Variants in GNA12 observed in about 807,000 individuals in gnomAD.
GNA12 encodes G protein subunit alpha 12, also known as guanine nucleotide-binding protein subunit alpha-12.
A neutral mutation model predicts 26.0 loss-of-function variants in GNA12; 9 were observed. The ratio of observed to expected loss-of-function variants is 0.35; its 90% CI spans 0.21 to 0.60. The LOEUF (loss-of-function observed/expected upper bound fraction) is 0.60, where lower values mean the gene tolerates loss of function less well. Among genes scored for constraint, GNA12 ranks in the 20% least tolerant of loss-of-function variants. The probability of loss-of-function intolerance (pLI) is 0.78; values close to 1 mark genes in which losing one functional copy is unlikely to be tolerated. For synonymous variants in GNA12, 264 were observed against 219.6 expected, an observed-to-expected ratio of 1.20 and a Z score of -1.79; for missense variants, 405 against 525.8, an observed-to-expected ratio of 0.77 and a Z score of 2.25.
chr7:2,838,608 G>A (rs115334712), intron 1 of GNA12, among the ~76,000 whole-genome samples: 1 of 152,008 alleles, frequency 6.6e-6, no homozygotes, highest in Non-Finnish European at 1.5e-5. Flanking sequence ...TCATAATAAT[G>A]ACTTTACCCT....
At position 2,734,228 on chromosome 7, in the gene GNA12, G is replaced by A. The variant is rs375592123; in HGVS notation, c.526-727C>T. Reference sequence around the variant, plus strand: ...AATGCGAGGCACACACGGGGCACGGGAGGAGCCGGGAGAGCGCAACCACCG... The same window carrying A: ...AATGCGAGGCACACACGGGGCACGGAAGGAGCCGGGAGAGCGCAACCACCG... On this transcript the variant is annotated intron_variant, in intron 2 of 3. Transcript: ENST00000275364. Among the ~76,000 whole-genome samples, 66 of 152,354 alleles carry A rather than the reference G, an allele frequency of 4.3e-4. No individual in the cohort carries two copies. The East Asian group carries it at 0.011, about 26-fold the overall frequency.
rs570752782 is a variant in GNA12 at position 2,769,029 on chromosome 7, G to C, written c.525+25899C>G. On this transcript the variant is annotated intron_variant, in intron 2 of 3. Transcript: ENST00000275364. ...AGCAGTTCTCCTGCCTCAGCCTCCT[G>C]AGTAGCTGGGATTACAGGTGTGCAC... Among the ~76,000 whole-genome samples, 5 of 152,246 alleles carry C rather than the reference G, an allele frequency of 3.3e-5. No homozygotes were observed. In the South Asian group the frequency reaches 1.0e-3, roughly 32 times the overall value.
At chr7:2,759,673 A>G (rs900590393) in intron 2 of GNA12, among the ~76,000 whole-genome samples, 13 of 152,010 alleles carry the variant, frequency 8.6e-5, no homozygotes, top group African/African-American at 3.1e-4. Flanking sequence ...CGCTGTGCCT[A>G]TTTTTTCAGA....
At chr7:2,842,831 A>G (rs747594140) in intron 1 of GNA12, among the ~76,000 whole-genome samples, 1 of 152,214 alleles carries the variant, frequency 6.6e-6, no homozygotes, top group Non-Finnish European at 1.5e-5. Flanking sequence ...CCACTCATAT[A>G]CATCCTAAAA....
At chr7:2,762,652 G>A (rs1421361423) in intron 2 of GNA12, 2 of 1,599,826 alleles carry the variant, frequency 1.3e-6, no homozygotes, top group East Asian at 4.5e-5. Context: ...AGAGCGGCAG[G>A]ACGATGAGAG....
intron 2 of GNA12, among the ~76,000 whole-genome samples, chr7:2,766,873 G>C (rs1791819240): frequency 6.6e-6 from 1 of 152,154 alleles, no homozygotes; most frequent in Non-Finnish European, 1.5e-5. Context: ...AAGGGTTCCA[G>C]TTTCTCCATT....
chr7:2,776,187 C>G (rs1792070944), intron 2 of GNA12, among the ~76,000 whole-genome samples: 1 of 152,232 alleles, frequency 6.6e-6, no homozygotes, highest in Non-Finnish European at 1.5e-5. Context: ...CTTCCCATCT[C>G]AGCCTCCCAA....
chr7:2,736,259 C>T (rs905575510), intron 2 of GNA12, among the ~76,000 whole-genome samples: 3 of 152,182 alleles, frequency 2.0e-5, no homozygotes, highest in African/African-American at 4.8e-5. Flanking sequence ...GTCCTCTCAA[C>T]GGCTGCTGCG....
chr7:2,807,744 A>G (rs556599962), intron 1 of GNA12, among the ~76,000 whole-genome samples: 57 of 152,340 alleles, frequency 3.7e-4, no homozygotes, highest in African/African-American at 1.3e-3. Context: ...ACTGCAGAAA[A>G]TAAACTCAAT....
At chr7:2,779,267 G>C (rs1443251047) in intron 2 of GNA12, among the ~76,000 whole-genome samples, 1 of 152,156 alleles carries the variant, frequency 6.6e-6, no homozygotes, top group South Asian at 2.1e-4. Context: ...AGGAATGCTT[G>C]AGCCCAGGAG....
At chr7:2,826,169 G>C (rs1464276946) in intron 1 of GNA12, among the ~76,000 whole-genome samples, 1 of 151,950 alleles carries the variant, frequency 6.6e-6, no homozygotes, top group East Asian at 1.9e-4. Context: ...ACGAGGTCAG[G>C]AGTTTGAAAC....
chr7:2,826,899 C>G (rs1340719280), intron 1 of GNA12, among the ~76,000 whole-genome samples: 5 of 152,300 alleles, frequency 3.3e-5, no homozygotes, highest in South Asian at 4.1e-4. Context: ...AACTATGCAA[C>G]ACAACGAGTG....
At chr7:2,804,406 C>T (rs958137597) in intron 1 of GNA12, among the ~76,000 whole-genome samples, 5 of 152,116 alleles carry the variant, frequency 3.3e-5, no homozygotes, top group South Asian at 2.1e-4. Flanking sequence ...AACACACACG[C>T]GTGTACATAC....
chr7:2,843,913 G>A lies in GNA12; in HGVS notation c.249C>T (p.Arg83=), dbSNP rs746972143. 1.5e-5 allele frequency: 24 copies of A among 1,586,240 alleles called. No homozygotes were observed. The Admixed American group carries it at 2.4e-4, about 16-fold the overall frequency. ...FLKQMRIIHG[R]EFDQKALLEF... is the part of the protein sequence containing the mutation. ...CCAGCAGCGCCTTCTGGTCGAACTC[G>A]CGGCCGTGGATGATGCGCATCTGCT... The change falls in exon 1 of 4, where the codon CGC becomes CGT. Residue 83 remains arginine, a synonymous_variant. Coordinates refer to ENST00000275364, the MANE Select transcript of GNA12 (RefSeq NM_007353.3).
At chr7:2,841,443 T>C (rs1778985642) in intron 1 of GNA12, among the ~76,000 whole-genome samples, 1 of 152,180 alleles carries the variant, frequency 6.6e-6, no homozygotes, top group South Asian at 2.1e-4. Context: ...AATCAGGATC[T>C]TTAACAGAGA....
intron 1 of GNA12, among the ~76,000 whole-genome samples, chr7:2,830,207 G>A (rs78937196): frequency 6.6e-6 from 1 of 151,472 alleles, no homozygotes; most frequent in South Asian, 2.1e-4. Flanking sequence ...TAAGGGACTG[G>A]GGCTGGGGTC....
In GNA12 at chr7:2,733,653, C is replaced by G. The variant is rs1790014350; in HGVS notation, c.526-152G>C. ...AAGGCAGAGAGTGTCCGTGTGTTTT[C>G]TAAAATAAAAAAACTACCATTAAAG... is the stretch of plus-strand genomic sequence containing the variant. On this transcript the variant is annotated intron_variant, in intron 2 of 3. Transcript: ENST00000275364. The G allele has an allele frequency of 1.6e-5, 10 of 639,210 alleles. No homozygotes were observed. The South Asian group carries it at 1.8e-4, about 12-fold the overall frequency. 39.6% of individuals were successfully genotyped at this position (639,210 alleles called of 1,614,324 possible). A position where few individuals can be genotyped will look rare whatever the true frequency, so the allele number is the denominator to read the frequency against.
intron 2 of GNA12, among the ~76,000 whole-genome samples, chr7:2,735,575 A>G (rs1790128368): frequency 2.0e-5 from 3 of 152,142 alleles, no homozygotes; most frequent in Admixed American, 2.0e-4. Flanking sequence ...TGTGAGTCTA[A>G]ACACCCCTCG....
At chr7:2,827,191 T>G (rs1233123680) in intron 1 of GNA12, among the ~76,000 whole-genome samples, 1 of 152,162 alleles carries the variant, frequency 6.6e-6, no homozygotes, top group African/African-American at 2.4e-5. Context: ...GGTAAATTCA[T>G]GGAGACAGAA....
Sources: allele counts gnomAD v4.1 joint callset (sites outside exome capture counted in the v4.1 genomes callset), GRCh38; gene constraint gnomAD v4.1.1; transcripts MANE v1.5; gene names NCBI Gene and HGNC (gene_info 2026-07-23, HGNC 2026-07-21).